RABGAP1L: variants seen among roughly 807,000 people sequenced by gnomAD.
The protein encoded by RABGAP1L is RAB GTPase activating protein 1 like, also known as rab GTPase-activating protein 1-like.
RABGAP1L carries 63 observed loss-of-function variants against 137.7 expected under a neutral mutation model. The observed-to-expected ratio is 0.46, with a 90% CI of 0.37 to 0.56. The LOEUF (loss-of-function observed/expected upper bound fraction) is 0.56, where lower values mean the gene tolerates loss of function less well. RABGAP1L is among the 20% of genes least tolerant of loss of function. The pLI is 0.00. For missense variants in RABGAP1L, 1,095 were observed against 1,244.0 expected (o/e 0.88, Z 1.80); for synonymous variants, 431 against 433.7 (o/e 0.99, Z 0.08).
At chr1:174,727,709 G>C (rs898406685) in intron 17 of RABGAP1L, among the ~76,000 whole-genome samples, 5 of 152,104 alleles carry the variant, frequency 3.3e-5, no homozygotes, top group Admixed American at 1.3e-4. Flanking sequence ...AATGACAAAT[G>C]TTTCAGGTGA....
At chr1:174,398,020 A>C (rs1648087866) in intron 13 of RABGAP1L, among the ~76,000 whole-genome samples, 1 of 152,206 alleles carries the variant, frequency 6.6e-6, no homozygotes, top group African/African-American at 2.4e-5. Flanking sequence ...AAAGGAAGAC[A>C]TGTATAGGGC....
chr1:174,362,390 T>C (rs1558166207), intron 11 of RABGAP1L, among the ~76,000 whole-genome samples: 1 of 152,204 alleles, frequency 6.6e-6, no homozygotes, highest in Non-Finnish European at 1.5e-5. Flanking sequence ...TAACTTACAC[T>C]CCCACCAACA....
chr1:174,954,678 T>C (rs1668248135), intron 19 of RABGAP1L, among the ~76,000 whole-genome samples: 1 of 152,188 alleles, frequency 6.6e-6, no homozygotes, highest in Non-Finnish European at 1.5e-5. Context: ...CTCAGCCTGG[T>C]GTCCAGTGGT....
chr1:174,551,396 A>G (rs1244798017), intron 13 of RABGAP1L, among the ~76,000 whole-genome samples: 1 of 152,100 alleles, frequency 6.6e-6, no homozygotes, highest in Non-Finnish European at 1.5e-5. Flanking sequence ...AACAGACAAC[A>G]GGGGAAAAAT....
intron 13 of RABGAP1L, among the ~76,000 whole-genome samples, chr1:174,496,996 A>G (rs1218598269): frequency 2.0e-5 from 3 of 152,230 alleles, no homozygotes; most frequent in African/African-American, 7.2e-5. Context: ...CATTGTGTAT[A>G]AATTTTATCA....
intron 19 of RABGAP1L, chr1:174,892,728 C>CTTT (rs201231625): frequency 3.3e-4 from 132 of 395,406 alleles, no homozygotes; most frequent in Admixed American, 4.9e-4. Context: ...TCTTTGTTTT[C>CTTT]TTTCTTTTTT....
chr1:174,859,245 G>C (rs1649825529), intron 19 of RABGAP1L, among the ~76,000 whole-genome samples: 1 of 152,162 alleles, frequency 6.6e-6, no homozygotes, highest in African/African-American at 2.4e-5. Context: ...ACTTTGGGAG[G>C]CCAAGACGGG....
intron 1 of RABGAP1L, among the ~76,000 whole-genome samples, chr1:174,190,373 T>G (rs1000924566): frequency 6.6e-6 from 1 of 152,030 alleles, no homozygotes; most frequent in African/African-American, 2.4e-5. Flanking sequence ...TACCTTGGGC[T>G]TCTCAGCATC....
At chr1:174,580,027 G>C (rs781236322) in intron 13 of RABGAP1L, among the ~76,000 whole-genome samples, 204 of 152,308 alleles carry the variant, frequency 1.3e-3, no homozygotes, top group Non-Finnish European at 2.4e-3. Context: ...CTCCCAAAGT[G>C]CTGGGATTAC....
intron 18 of RABGAP1L, among the ~76,000 whole-genome samples, chr1:174,774,215 T>A (rs1264805817): frequency 6.6e-6 from 1 of 152,218 alleles, no homozygotes; most frequent in Non-Finnish European, 1.5e-5. Context: ...TGCTTTTCCT[T>A]GACTAAGAGA....
chr1:174,696,167 A>G (rs1679241844), intron 15 of RABGAP1L, among the ~76,000 whole-genome samples: 1 of 152,088 alleles, frequency 6.6e-6, no homozygotes, highest in Non-Finnish European at 1.5e-5. Context: ...CTTCTGGCCC[A>G]GGATGGATCT....
intron 13 of RABGAP1L, among the ~76,000 whole-genome samples, chr1:174,433,360 A>C (rs972440308): frequency 2.6e-5 from 4 of 152,228 alleles, no homozygotes; most frequent in African/African-American, 7.2e-5. Context: ...TGCTCTGCAT[A>C]CTGTTTTGAC....
At chr1:174,590,194 C>T (rs1256945672) in intron 13 of RABGAP1L, among the ~76,000 whole-genome samples, 3 of 117,750 alleles carry the variant, frequency 2.5e-5, no homozygotes, top group African/African-American at 9.6e-5. Context: ...TACCATGTCT[C>T]AGGTGTTCCT....
intron 13 of RABGAP1L, among the ~76,000 whole-genome samples, chr1:174,422,945 C>CAA (rs202100563): frequency 1.7e-3 from 136 of 79,380 alleles, no homozygotes; most frequent in Non-Finnish European, 1.8e-3. Flanking sequence ...AGATTCTGTC[C>CAA]AAAAAAAAAA....
chr1:174,434,398 G>A (rs1653023396), intron 13 of RABGAP1L, among the ~76,000 whole-genome samples: 1 of 151,992 alleles, frequency 6.6e-6, no homozygotes, highest in Non-Finnish European at 1.5e-5. Context: ...GGCTGTTTCT[G>A]GTTTTGGCTA....
rs189657529 is a variant in RABGAP1L at position 174,486,630 on chromosome 1, G to A, written c.1710+92485G>A. On this transcript the variant is annotated intron_variant, in intron 13 of 25. Transcript: ENST00000681986. ...CAAAGTGCTGGGATTACAGACATGA[G>A]CTACCGCGCCCGGCCTCTGCTCTGA... is the stretch of plus-strand genomic sequence containing the variant. 6.9e-4 allele frequency among the ~76,000 whole-genome samples: 105 copies of A among 152,000 alleles called. 2 individuals carry two copies. In the East Asian group the frequency reaches 8.9e-3, roughly 13 times the overall value.
chr1:174,364,147 G>A (rs907625020), intron 11 of RABGAP1L, among the ~76,000 whole-genome samples: 5 of 150,496 alleles, frequency 3.3e-5, no homozygotes, highest in Non-Finnish European at 7.4e-5. Context: ...GAGTTCAACA[G>A]TGAAGCCATC....
intron 17 of RABGAP1L, among the ~76,000 whole-genome samples, chr1:174,721,348 C>G (rs185671771): frequency 1.3e-5 from 2 of 152,208 alleles, no homozygotes; most frequent in African/African-American, 4.8e-5. Context: ...AATAATTCAA[C>G]GTAATGAATT....
At chr1:174,232,485 TAA>T (rs1304294197) in intron 4 of RABGAP1L, among the ~76,000 whole-genome samples, 4 of 129,836 alleles carry the variant, frequency 3.1e-5, no homozygotes, top group Non-Finnish European at 1.6e-5. Context: ...CCATCTCAAT[TAA>T]AAAAAAAAAA....
Sources: gnomAD v4.1 joint callset for allele counts (sites outside exome capture counted in the v4.1 genomes callset) on GRCh38, gnomAD v4.1.1 for gene constraint, MANE v1.5 for transcripts, NCBI Gene and HGNC (gene_info 2026-07-23, HGNC 2026-07-21) for gene names.